Variants in COG3 observed in about 807,000 individuals in gnomAD.
COG3 encodes conserved oligomeric Golgi complex subunit 3.
Under a neutral mutation model 114.1 loss-of-function variants are expected in COG3, and 32 were observed. That is an observed-to-expected ratio of 0.28 (90% CI 0.21 to 0.38). The LOEUF is 0.38. Ranked by LOEUF, COG3 falls within the 10% of genes least tolerant of loss-of-function variation. COG3 has a pLI of 1.00. For synonymous variants in COG3, 352 were observed against 365.7 expected (o/e 0.96, Z 0.43); for missense variants, 813 against 973.2 (o/e 0.84, Z 2.19).
In COG3 at chr13:45,490,930, A is replaced by G; in HGVS notation, c.940A>G (p.Ile314Val). 6.3e-7 allele frequency: 1 copy of G among 1,599,512 alleles called. No homozygotes were observed. The highest frequency in any genetic ancestry group is 8.5e-7 in the Non-Finnish European group (1 of 1,170,204). ...APKVRTLIEQIELRSEKIPEY... is the reference protein window; with the variant it reads ...APKVRTLIEQVELRSEKIPEY... ...TACTTTGCAGACTCTTATTGAACAA[A>G]TAGAACTGCGGTCTGAAAAAATACC... is the stretch of plus-strand genomic sequence containing the variant. The change falls in exon 9 of 23, where the codon ATA becomes GTA. Residue 314 changes from isoleucine (I) to valine (V), a missense_variant. Transcript: ENST00000349995.
chr13:45,529,986 T>G, intron 21 of COG3, 68 bp downstream of exon 21: 2 of 1,526,428 alleles, frequency 1.3e-6, no homozygotes, highest in Admixed American at 2.0e-5. Flanking sequence ...CATTTACCAT[T>G]TTCCTTTTGC....
At chr13:45,482,143 T>G (rs1886285644) in intron 5 of COG3, among the ~76,000 whole-genome samples, 1 of 152,182 alleles carries the variant, frequency 6.6e-6, no homozygotes, top group Non-Finnish European at 1.5e-5. Flanking sequence ...TCCTAATTCA[T>G]GAAGAGTCCA....
intron 13 of COG3, among the ~76,000 whole-genome samples, chr13:45,498,112 C>T (rs1372251203): frequency 2.0e-5 from 3 of 152,040 alleles, no homozygotes; most frequent in Non-Finnish European, 2.9e-5. Context: ...TCAGATTCAC[C>T]AGTTGTTAAT....
chr13:45,472,194 T>G (rs1885557832), intron 1 of COG3, among the ~76,000 whole-genome samples: 1 of 152,174 alleles, frequency 6.6e-6, no homozygotes, highest in South Asian at 2.1e-4. Context: ...CTGCTGTAAT[T>G]TTTACCTTTA....
At chr13:45,476,112 C>T in intron 1 of COG3, 89 bp from the exon 2 acceptor site, 1 of 1,245,714 alleles carries the variant, frequency 8.0e-7, no homozygotes, top group Non-Finnish European at 1.2e-6. Flanking sequence ...CTTTCTCTTT[C>T]AAAACAACTG....
intron 12 of COG3, among the ~76,000 whole-genome samples, chr13:45,494,994 C>T (rs895252128): frequency 4.6e-5 from 7 of 150,902 alleles, no homozygotes; most frequent in African/African-American, 1.7e-4. Flanking sequence ...TACAGGTATG[C>T]ACCACCATGC....
At chr13:45,503,382 T>C (rs1318494644) in intron 14 of COG3, 33 bp downstream of exon 14, 2 of 1,155,006 alleles carry the variant, frequency 1.7e-6, no homozygotes. Context: ...CCAGCATTTA[T>C]TCATTTGGGT....
In COG3 at chr13:45,535,278, T is replaced by A. The variant is rs1380931223; in HGVS notation, c.*547T>A. 1 of 985,370 alleles carries A rather than the reference T, an allele frequency of 1.0e-6. No homozygotes were observed. The highest frequency in any genetic ancestry group is 1.7e-5 in the African/African-American group (1 of 57,256). The allele number at this position is 985,370 out of a possible 1,614,324, so 61.0% of individuals were successfully genotyped here. A position where few individuals can be genotyped will look rare whatever the true frequency, so the allele number is the denominator to read the frequency against. On this transcript the variant is annotated 3_prime_UTR_variant, in exon 23 of 23. Transcript: ENST00000349995. The stretch of plus-strand genomic sequence containing the variant: ...CTTCTGAGAACACATTCTGCCTTCC[T>A]GGGAAGTCGGGGTGTCATCCTTTCC...
At position 45,535,973 on chromosome 13, in the gene COG3, G is replaced by A; in HGVS notation, c.*1242G>A. On this transcript the variant is annotated 3_prime_UTR_variant, in exon 23 of 23. Coordinates refer to ENST00000349995, the MANE Select transcript of COG3 (RefSeq NM_031431.4). ...CAGGGGACCTTTTGGTGCAGTGGGT[G>A]CCTGTAACTCATTAGACGTACTGAG... 1 of 626,340 alleles carries A rather than the reference G, an allele frequency of 1.6e-6. No homozygotes were observed. The highest frequency in any genetic ancestry group is 2.0e-6 in the Non-Finnish European group (1 of 500,308). The allele number at this position is 626,340 out of a possible 1,614,324, so 38.8% of individuals were successfully genotyped here.
intron 8 of COG3, among the ~76,000 whole-genome samples, chr13:45,487,183 T>G (rs1470487208): frequency 6.6e-6 from 1 of 152,166 alleles, no homozygotes; most frequent in Non-Finnish European, 1.5e-5. Flanking sequence ...CTGGGAAAAC[T>G]AGATATTCAT....
intron 14 of COG3, among the ~76,000 whole-genome samples, chr13:45,505,709 T>G (rs900167574): frequency 1.3e-5 from 2 of 152,172 alleles, no homozygotes; most frequent in Admixed American, 1.3e-4. Flanking sequence ...TCCTCCTGTT[T>G]TGGCCTCCCA....
rs1870879838 is a variant in COG3, at chr13:45,511,664, A to T, written c.1720-101A>T. The T allele has an allele frequency of 3.6e-6, 3 of 823,240 alleles. No homozygotes were observed. The South Asian group carries it at 4.7e-5, about 13-fold the overall frequency. 51.0% of individuals were successfully genotyped at this position (823,240 alleles called of 1,614,324 possible). A position where few individuals can be genotyped will look rare whatever the true frequency, so the allele number is the denominator to read the frequency against. Reference sequence around the variant, plus strand: ...CAAGTAGTAAATTAATCCAACCATGAGGGCAAGCAGGCATTGTTATTTGCA... The same window carrying T: ...CAAGTAGTAAATTAATCCAACCATGTGGGCAAGCAGGCATTGTTATTTGCA... On this transcript the variant is annotated intron_variant, in intron 15 of 22. Coordinates refer to ENST00000349995, the MANE Select transcript of COG3 (RefSeq NM_031431.4).
At chr13:45,526,253 T>C (rs185747588) in intron 20 of COG3, among the ~76,000 whole-genome samples, 1,988 of 151,444 alleles carry the variant, frequency 0.013, 24 homozygotes, top group Non-Finnish European at 0.021. Flanking sequence ...GCCCAGCTAA[T>C]TGTTGTATTT....
In COG3 at chr13:45,508,448, GTGTA is replaced by G. The variant is rs770891116; in HGVS notation, c.1595-1240_1595-1237del. 1.3e-3 allele frequency among the ~76,000 whole-genome samples: 186 copies of G among 148,460 alleles called. 1 individual carries two copies. The highest frequency in any genetic ancestry group is 7.9e-4 in the Non-Finnish European group (53 of 67,250). Reference sequence around the variant, plus strand: ...CACATACACATATATATACATATATGTGTATGTGTGTATTTGTATGTGTTGGGGT... The same window carrying G: ...CACATACACATATATATACATATATGTGTGTGTATTTGTATGTGTTGGGGT... On this transcript the variant is annotated intron_variant, in intron 14 of 22. Transcript: ENST00000349995.
chr13:45,469,082 T>G (rs768400880), intron 1 of COG3, among the ~76,000 whole-genome samples: 1 of 152,220 alleles, frequency 6.6e-6, no homozygotes, highest in Non-Finnish European at 1.5e-5. Context: ...CTTGCTTGGT[T>G]TGAGAGAAGA....
chr13:45,510,468 C>T (rs1870738009), intron 15 of COG3, among the ~76,000 whole-genome samples: 1 of 152,188 alleles, frequency 6.6e-6, no homozygotes. Context: ...GCATCTCTTC[C>T]TCCCCAGGGT....
At chr13:45,476,902 A>G (rs190866711) in intron 2 of COG3, among the ~76,000 whole-genome samples, 1 of 152,288 alleles carries the variant, frequency 6.6e-6, no homozygotes, top group African/African-American at 2.4e-5. Context: ...GACCAAATAA[A>G]ACATAAAGTA....
intron 20 of COG3, among the ~76,000 whole-genome samples, chr13:45,525,508 T>G (rs1051168221): frequency 3.3e-5 from 5 of 152,168 alleles, no homozygotes; most frequent in Middle Eastern, 3.4e-3. Context: ...GAAAAAAAAT[T>G]GTAAAAATTG....
At chr13:45,502,526 G>A (rs1252677817) in intron 13 of COG3, among the ~76,000 whole-genome samples, 5 of 152,156 alleles carry the variant, frequency 3.3e-5, no homozygotes, top group South Asian at 2.1e-4. Flanking sequence ...TCTGCATGCC[G>A]TTTAGGAATT....
Sources: gnomAD v4.1 joint callset for allele counts (sites outside exome capture counted in the v4.1 genomes callset) on GRCh38, gnomAD v4.1.1 for gene constraint, MANE v1.5 for transcripts, NCBI Gene and HGNC (gene_info 2026-07-23, HGNC 2026-07-21) for gene names.